The following RASEF variants were observed in gnomAD, a reference collection of about 807,000 sequenced individuals.
RASEF encodes the protein ras and EF-hand domain-containing protein.
Under a neutral mutation model 90.1 loss-of-function variants are expected in RASEF, and 68 were observed. The ratio of observed to expected loss-of-function variants is 0.75; its 90% CI spans 0.62 to 0.92. RASEF has a LOEUF of 0.92. RASEF is among the 40% of genes least tolerant of loss of function. RASEF has a pLI of 0.00. For synonymous variants in RASEF, 331 were observed against 345.2 expected, an observed-to-expected ratio of 0.96 and a Z score of 0.46; for missense variants, 949 against 937.2, an observed-to-expected ratio of 1.01 and a Z score of -0.16.
upstream of RASEF, among the ~76,000 whole-genome samples, chr9:83,066,895 G>C (rs1330257888): frequency 6.6e-6 from 1 of 152,176 alleles, no homozygotes; most frequent in Non-Finnish European, 1.5e-5. Flanking sequence ...CAATTTCCGT[G>C]AGCTTTCCAC....
chr9:83,209,489 G>A, the RASEF span, among the ~76,000 whole-genome samples: 1 of 152,244 alleles, frequency 6.6e-6, no homozygotes, highest in Non-Finnish European at 1.5e-5. Context: ...AAGGCTTCCA[G>A]ATGAGCAAAT....
chr9:83,204,802 A>T, the RASEF span, among the ~76,000 whole-genome samples: 1 of 152,252 alleles, frequency 6.6e-6, no homozygotes, highest in African/African-American at 2.4e-5. Context: ...GGATATAAAC[A>T]TATGCCAAAA....
the RASEF span, among the ~76,000 whole-genome samples, chr9:83,104,071 C>A: frequency 2.6e-5 from 4 of 152,048 alleles, no homozygotes; most frequent in African/African-American, 9.6e-5. Context: ...CGGTGCCAAG[C>A]GATGAAAGAA....
chr9:83,099,649 G>T, the RASEF span, among the ~76,000 whole-genome samples: 1 of 152,182 alleles, frequency 6.6e-6, no homozygotes, highest in Admixed American at 6.5e-5. Flanking sequence ...GCCATGAGAT[G>T]GTCTTGATGA....
At chr9:83,195,995 A>G in the RASEF span, among the ~76,000 whole-genome samples, 39,411 of 151,810 alleles carry the variant, frequency 0.26, 5,744 homozygotes, top group East Asian at 0.72. Context: ...GAGAATGGCA[A>G]CTTGGACCCG....
At chr9:83,015,950 A>G (rs758733291) in intron 3 of RASEF, 50 bp from the exon 4 acceptor site, 1 of 1,328,820 alleles carries the variant, frequency 7.5e-7, no homozygotes, top group Admixed American at 1.7e-5. Flanking sequence ...CACCCTCTTA[A>G]CCTTCAAAAC....
chr9:83,076,786 G>A, the RASEF span, among the ~76,000 whole-genome samples: 1 of 152,264 alleles, frequency 6.6e-6, no homozygotes, highest in South Asian at 2.1e-4. Flanking sequence ...GGATTTCACA[G>A]AGCAAAGTAG....
the RASEF span, among the ~76,000 whole-genome samples, chr9:83,139,574 G>C: frequency 6.6e-6 from 1 of 151,972 alleles, no homozygotes; most frequent in Non-Finnish European, 1.5e-5. Flanking sequence ...CCATTAAAAA[G>C]GTCTTCACAC....
the RASEF span, among the ~76,000 whole-genome samples, chr9:83,194,220 A>G: frequency 6.6e-6 from 1 of 152,206 alleles, no homozygotes; most frequent in Non-Finnish European, 1.5e-5. Context: ...TCCAAGATAT[A>G]ACATTACCTT....
chr9:83,158,688 A>G, the RASEF span, among the ~76,000 whole-genome samples: 1 of 34,054 alleles, frequency 2.9e-5, no homozygotes, highest in Non-Finnish European at 5.8e-5. Context: ...GTACATATAC[A>G]TATATGTATA....
the RASEF span, among the ~76,000 whole-genome samples, chr9:83,078,841 T>C: frequency 3.3e-5 from 5 of 152,194 alleles, no homozygotes; most frequent in African/African-American, 7.2e-5. Flanking sequence ...TGGCCACATA[T>C]ATGTCTTCTT....
At chr9:83,171,767 T>C in the RASEF span, among the ~76,000 whole-genome samples, 134,312 of 151,824 alleles carry the variant, frequency 0.88, 59,688 homozygotes, top group African/African-American at 0.97. Flanking sequence ...TTTATAGTAT[T>C]TCCTTTGTTG....
chr9:83,101,520 T>C, the RASEF span, among the ~76,000 whole-genome samples: 51 of 152,332 alleles, frequency 3.3e-4, no homozygotes, highest in African/African-American at 1.2e-3. Context: ...TATTTTTCCA[T>C]GGTGGAAAGC....
rs1233147377 is a variant in RASEF, at chr9:83,062,342, G to GCGGGGC, written c.431+94_431+95insGCCCCG. The stretch of plus-strand genomic sequence containing the variant: ...CAAGCAACTCACAGAGAAGACTAGG[G>GCGGGGC]GGGGGGGCCATTGGGTCTGCACACC... On this transcript the variant is annotated intron_variant, in intron 1 of 16. Coordinates refer to ENST00000376447, the MANE Select transcript of RASEF (RefSeq NM_152573.4). 3.1e-5 allele frequency: 33 copies of GCGGGGC among 1,053,906 alleles called. No homozygotes were observed. The African/African-American group carries it at 1.1e-3, about 35-fold the overall frequency. The allele number at this position is 1,053,906 out of a possible 1,614,324, so 65.3% of individuals were successfully genotyped here. A position where few individuals can be genotyped will look rare whatever the true frequency, so the allele number is the denominator to read the frequency against.
chr9:83,043,473 A>G (rs1829876551), intron 1 of RASEF, among the ~76,000 whole-genome samples: 1 of 152,206 alleles, frequency 6.6e-6, no homozygotes, highest in Admixed American at 6.5e-5. Flanking sequence ...TTATTCAAGC[A>G]TTCCATCTGA....
chr9:83,217,296 G>A, the RASEF span, among the ~76,000 whole-genome samples: 25,951 of 152,080 alleles, frequency 0.17, 2,443 homozygotes, highest in Admixed American at 0.24. Flanking sequence ...TTGGACTGTG[G>A]ACTTTTGAGT....
At position 82,980,891 on chromosome 9, in the gene RASEF, C is replaced by A. The variant is rs932190439; in HGVS notation, c.*1786G>T. ...GCAGAGTTACTGAGGATAGATCCAACTTTCCAGCAAAAATATCAGATGTCT... is the reference window on the plus strand; with the variant it reads ...GCAGAGTTACTGAGGATAGATCCAAATTTCCAGCAAAAATATCAGATGTCT... On this transcript the variant is annotated 3_prime_UTR_variant, in exon 17 of 17. Coordinates refer to ENST00000376447, the MANE Select transcript of RASEF (RefSeq NM_152573.4). 1 of 152,194 alleles carries A rather than the reference C, an allele frequency of 6.6e-6. No individual in the cohort carries two copies. Among genetic ancestry groups the A allele is most frequent in the Non-Finnish European group, 1.5e-5 (1 of 68,034 alleles). 9.4% of individuals were successfully genotyped at this position (152,194 alleles called of 1,614,324 possible). A position where few individuals can be genotyped will look rare whatever the true frequency, so the allele number is the denominator to read the frequency against.
intron 4 of RASEF, among the ~76,000 whole-genome samples, chr9:83,014,907 G>A (rs1392718563): frequency 6.6e-6 from 1 of 152,046 alleles, no homozygotes; most frequent in African/African-American, 2.4e-5. Context: ...TTAAACAACT[G>A]CCAGAGTATT....
At chr9:83,197,286 T>C in the RASEF span, among the ~76,000 whole-genome samples, 2 of 152,340 alleles carry the variant, frequency 1.3e-5, no homozygotes, top group Admixed American at 6.5e-5. Flanking sequence ...AGACACTCCC[T>C]CCTTCCTCAA....
Sources: gnomAD v4.1 joint callset for allele counts (sites outside exome capture counted in the v4.1 genomes callset) on GRCh38, gnomAD v4.1.1 for gene constraint, MANE v1.5 for transcripts, NCBI Gene and HGNC (gene_info 2026-07-23, HGNC 2026-07-21) for gene names.